AJAP1: variants seen among roughly 807,000 people sequenced by gnomAD.
The protein encoded by AJAP1 is adherens junctions associated protein 1, also known as adherens junction-associated protein 1.
In AJAP1, 5 loss-of-function variants were observed where a neutral mutation model predicts 35.0. The observed-to-expected ratio is 0.14, with a 90% CI of 0.07 to 0.30. The LOEUF (loss-of-function observed/expected upper bound fraction) is 0.30. Among genes scored for constraint, AJAP1 ranks in the 10% least tolerant of loss-of-function variants. The pLI is 1.00. For synonymous variants in AJAP1, 284 were observed against 249.3 expected, an observed-to-expected ratio of 1.14 and a Z score of -1.31; for missense variants, 586 against 571.0, an observed-to-expected ratio of 1.03 and a Z score of -0.27.
chr1:4,676,786 A>C (rs1345971310), intron 1 of AJAP1, among the ~76,000 whole-genome samples: 2 of 152,230 alleles, frequency 1.3e-5, no homozygotes, highest in Non-Finnish European at 2.9e-5. Flanking sequence ...TGTAGATGCC[A>C]AAAGGGGTAT....
At chr1:4,726,727 C>T (rs914320832) in intron 2 of AJAP1, among the ~76,000 whole-genome samples, 3 of 152,090 alleles carry the variant, frequency 2.0e-5, no homozygotes, top group Non-Finnish European at 4.4e-5. Context: ...CTTCAGAAGC[C>T]GTGTCTTCAG....
chr1:4,688,166 C>T (rs1639650094), intron 1 of AJAP1, among the ~76,000 whole-genome samples: 1 of 152,074 alleles, frequency 6.6e-6, no homozygotes, highest in Admixed American at 6.5e-5. Context: ...GACGGGGGTC[C>T]CTCGGAGCGC....
At chr1:4,729,962 A>G (rs1640761357) in intron 2 of AJAP1, among the ~76,000 whole-genome samples, 1 of 152,136 alleles carries the variant, frequency 6.6e-6, no homozygotes, top group African/African-American at 2.4e-5. Context: ...TTCAGCCCCA[A>G]AAGTACCCTC....
At chr1:4,754,442 A>G (rs2100337249) in intron 2 of AJAP1, among the ~76,000 whole-genome samples, 1 of 152,236 alleles carries the variant, frequency 6.6e-6, no homozygotes. Flanking sequence ...GCTACCCACT[A>G]GGTTGGGACT....
chr1:4,754,748 T>A (rs979800313), intron 2 of AJAP1, among the ~76,000 whole-genome samples: 3 of 152,252 alleles, frequency 2.0e-5, no homozygotes, highest in Admixed American at 6.5e-5. Context: ...AAGACGTTGC[T>A]GGGACCCCAG....
chr1:4,778,193 C>G (rs917195104), intron 5 of AJAP1, among the ~76,000 whole-genome samples: 3 of 152,214 alleles, frequency 2.0e-5, no homozygotes, highest in Non-Finnish European at 2.9e-5. Flanking sequence ...AGATCCCGAT[C>G]TGGAAGATGG....
intron 2 of AJAP1, among the ~76,000 whole-genome samples, chr1:4,760,598 A>G (rs1641543741): frequency 6.6e-6 from 1 of 152,166 alleles, no homozygotes. Context: ...CCCGGCCACG[A>G]TGCAGCATTC....
intron 1 of AJAP1, among the ~76,000 whole-genome samples, chr1:4,702,908 C>G (rs1281853794): frequency 6.6e-6 from 1 of 152,156 alleles, no homozygotes; most frequent in Non-Finnish European, 1.5e-5. Context: ...GGCTGATTTC[C>G]AAGCTCTGGG....
chr1:4,768,491 T>C (rs1012649540), intron 2 of AJAP1, among the ~76,000 whole-genome samples: 1 of 152,192 alleles, frequency 6.6e-6, no homozygotes, highest in Non-Finnish European at 1.5e-5. Flanking sequence ...AGAGGTAACA[T>C]CTGTTTAAGA....
intron 3 of AJAP1, 44 bp downstream of exon 3, chr1:4,769,984 C>T (rs760547919): frequency 1.1e-4 from 161 of 1,521,412 alleles, no homozygotes; most frequent in Non-Finnish European, 1.4e-4. Context: ...GGGGGACTAC[C>T]GGGGTCCCTG....
rs1640511887 is a variant in AJAP1, at chr1:4,721,339, T to C, written c.829+8640T>C. Among the ~76,000 whole-genome samples, 2 of 152,132 alleles carry C rather than the reference T, an allele frequency of 1.3e-5. 1 individual carries two copies. The highest frequency in any genetic ancestry group is 4.2e-4 in the South Asian group (2 of 4,818). ...GCCTGAAGCATCAGGATGCCCTGAG[T>C]GTGGGTTCTAGATCCAGGTGGAAGT... is the stretch of plus-strand genomic sequence containing the variant. On this transcript the variant is annotated intron_variant, in intron 2 of 5. Coordinates refer to ENST00000378191, the MANE Select transcript of AJAP1 (RefSeq NM_018836.4).
At chr1:4,727,130 C>T (rs1036079138) in intron 2 of AJAP1, among the ~76,000 whole-genome samples, 3 of 152,236 alleles carry the variant, frequency 2.0e-5, no homozygotes, top group Non-Finnish European at 4.4e-5. Flanking sequence ...CTGGGGCGCA[C>T]ACAGCTCTCA....
intron 1 of AJAP1, among the ~76,000 whole-genome samples, chr1:4,690,000 A>AC (rs1011664386): frequency 1.1e-4 from 16 of 149,922 alleles, no homozygotes; most frequent in Non-Finnish European, 1.8e-4. Flanking sequence ...CCCGGTTGAG[A>AC]CCCCCCCAGC....
chr1:4,728,227 C>G (rs1640714593), intron 2 of AJAP1, among the ~76,000 whole-genome samples: 1 of 152,182 alleles, frequency 6.6e-6, no homozygotes, highest in African/African-American at 2.4e-5. Flanking sequence ...GGCAGGGGGT[C>G]TGAGTCTGGA....
At chr1:4,753,471 C>A (rs1278381645) in intron 2 of AJAP1, among the ~76,000 whole-genome samples, 1 of 147,698 alleles carries the variant, frequency 6.8e-6, no homozygotes, top group Non-Finnish European at 1.5e-5. Flanking sequence ...GTAAATTATT[C>A]ATATACATTA....
chr1:4,756,315 C>T (rs2100339901), intron 2 of AJAP1, among the ~76,000 whole-genome samples: 1 of 152,312 alleles, frequency 6.6e-6, no homozygotes, highest in Middle Eastern at 3.4e-3. Context: ...ACTATGTCCG[C>T]ACCGTGGCAT....
chr1:4,713,143 G>A (rs1289495469), intron 2 of AJAP1, among the ~76,000 whole-genome samples: 1 of 152,238 alleles, frequency 6.6e-6, no homozygotes, highest in Non-Finnish European at 1.5e-5. Context: ...AAGCCTTCAA[G>A]GGTATGGGAC....
chr1:4,693,059 G>C lies in AJAP1; in HGVS notation c.30-18841G>C, dbSNP rs1639779769. 2.6e-5 allele frequency among the ~76,000 whole-genome samples: 4 copies of C among 152,202 alleles called. No individual in the cohort carries two copies. The South Asian group carries it at 8.3e-4, about 31-fold the overall frequency. ...AGCTTCATAAATGCCCACCTCAGCTGTGCTTTACAGTTTCCTGGAAGCCAC... is the reference window on the plus strand; with the variant it reads ...AGCTTCATAAATGCCCACCTCAGCTCTGCTTTACAGTTTCCTGGAAGCCAC... On this transcript the variant is annotated intron_variant, in intron 1 of 5. Coordinates refer to ENST00000378191, the MANE Select transcript of AJAP1 (RefSeq NM_018836.4). The surrounding 1 kb of genome is among the most constrained non-coding windows in gnomAD (Gnocchi z 4.4).
At chr1:4,776,915 C>T (rs1041032253) in intron 5 of AJAP1, among the ~76,000 whole-genome samples, 3 of 152,226 alleles carry the variant, frequency 2.0e-5, no homozygotes, top group Non-Finnish European at 2.9e-5. Context: ...AAGGCAGCTG[C>T]GCTCAGCCTG....
Sources: allele counts gnomAD v4.1 joint callset (sites outside exome capture counted in the v4.1 genomes callset), GRCh38; gene constraint gnomAD v4.1.1; non-coding constraint Gnocchi (gnomAD v3.1); transcripts MANE v1.5; gene names NCBI Gene and HGNC (gene_info 2026-07-23, HGNC 2026-07-21).